The following ST3GAL5 variants were observed in gnomAD, a reference collection of about 807,000 sequenced individuals.
The protein encoded by ST3GAL5 is lactosylceramide alpha-2,3-sialyltransferase.
In ST3GAL5, 25 loss-of-function variants were observed where a neutral mutation model predicts 46.1. The observed-to-expected ratio is 0.54, with a 90% CI of 0.40 to 0.76. ST3GAL5 has a LOEUF of 0.76. ST3GAL5 is among the 30% of genes least tolerant of loss of function. ST3GAL5 has a pLI of 0.00. For missense variants in ST3GAL5, 431 were observed against 521.2 expected, an observed-to-expected ratio of 0.83 and a Z score of 1.69; for synonymous variants, 182 against 192.7, an observed-to-expected ratio of 0.94 and a Z score of 0.46.
intron 6 of ST3GAL5, among the ~76,000 whole-genome samples, chr2:85,841,913 G>T (rs1573572383): frequency 1.3e-5 from 2 of 152,194 alleles, no homozygotes; most frequent in South Asian, 4.1e-4. Flanking sequence ...CTCAAAGGCT[G>T]CCACCAATCT....
rs548174504 is a variant in ST3GAL5, at chr2:85,881,212, C to T, written c.82+7612G>A. Among the ~76,000 whole-genome samples, 9 of 152,318 alleles carry T rather than the reference C, an allele frequency of 5.9e-5. No individual in the cohort carries two copies. The South Asian group carries it at 1.7e-3, about 28-fold the overall frequency. On this transcript the variant is annotated intron_variant, in intron 1 of 6. Coordinates refer to ENST00000638572, the MANE Select transcript of ST3GAL5 (RefSeq NM_003896.4). ...CCATGATTGTGAGACCTTCCCCAGA[C>T]ATGTGGAACTGTAAATCCAATTAAA... is the stretch of plus-strand genomic sequence containing the variant.
intron 1 of ST3GAL5, among the ~76,000 whole-genome samples, chr2:85,882,037 T>C (rs1687212331): frequency 1.3e-5 from 2 of 152,208 alleles, no homozygotes; most frequent in Admixed American, 1.3e-4. Context: ...TCCCAGCCAC[T>C]CCAGCCGTGG....
intron 3 of ST3GAL5, chr2:85,849,625 A>C (rs969068155): frequency 2.0e-5 from 3 of 152,346 alleles, no homozygotes; most frequent in Non-Finnish European, 4.4e-5. Context: ...AAAAAACAAA[A>C]AAACAAACAA....
chr2:85,840,160 A>G lies in ST3GAL5; in HGVS notation c.1241T>C (p.Ile414Thr), dbSNP rs1681840059. Residue 414 changes from isoleucine (I) to threonine (T), a missense_variant, in exon 7 of 7, where the codon ATT becomes ACT. Ile to Thr is a moderately conservative substitution (Grantham distance 89). Coordinates refer to ENST00000638572, the MANE Select transcript of ST3GAL5 (RefSeq NM_003896.4). ...EGVVKDLSGG[I>T]DREF ...TTTCTGTGTTCAAAATTCACGATCAATGCCTCCACTGAGATCTTTCACCAC... is the reference window on the plus strand; with the variant it reads ...TTTCTGTGTTCAAAATTCACGATCAGTGCCTCCACTGAGATCTTTCACCAC... The G allele has an allele frequency of 6.2e-7, 1 of 1,614,072 alleles. No individual in the cohort carries two copies. Among genetic ancestry groups the G allele is most frequent in the South Asian group, 1.1e-5 (1 of 91,078 alleles).
intron 1 of ST3GAL5, 64 bp downstream of exon 1, chr2:85,888,760 G>C (rs961460899): frequency 6.2e-6 from 7 of 1,135,954 alleles, no homozygotes; most frequent in Middle Eastern, 3.6e-4. Context: ...GAAGAGACAA[G>C]TCGCCGCCGC....
chr2:85,846,714 T>C (rs1682834173), intron 4 of ST3GAL5, 151 bp from the exon 5 acceptor site: 2 of 706,368 alleles, frequency 2.8e-6, no homozygotes, highest in Admixed American at 5.2e-5. Flanking sequence ...CCCAGCTCTG[T>C]CTTTCTAGGA....
intron 3 of ST3GAL5, chr2:85,852,973 C>G: frequency 7.7e-7 from 1 of 1,304,248 alleles, no homozygotes; most frequent in Non-Finnish European, 1.0e-6. Flanking sequence ...AGGGAGGGCC[C>G]TGCTTCCTTT....
intron 6 of ST3GAL5, among the ~76,000 whole-genome samples, chr2:85,842,801 G>C (rs1682302856): frequency 6.9e-6 from 1 of 145,564 alleles, no homozygotes; most frequent in Non-Finnish European, 1.5e-5. Flanking sequence ...CACTCTTGTT[G>C]CCCAGGCTGG....
intron 1 of ST3GAL5, chr2:85,888,238 C>T (rs998794768): frequency 6.6e-6 from 1 of 152,204 alleles, no homozygotes; most frequent in East Asian, 1.9e-4. Flanking sequence ...ACACGCAAGG[C>T]GTACAATGAA....
In ST3GAL5 at chr2:85,864,583, CAA is replaced by C. The variant is rs71392946; in HGVS notation, c.83-1100_83-1099del. Among the ~76,000 whole-genome samples, 1,030 of 125,796 alleles carry C rather than the reference CAA, an allele frequency of 8.2e-3. 10 individuals carry two copies. The highest frequency in any genetic ancestry group is 0.017 in the South Asian group (60 of 3,498). The allele number at this position is 125,796 out of a possible 152,430, so 82.5% of individuals were successfully genotyped here. On this transcript the variant is annotated intron_variant, in intron 1 of 6. Coordinates refer to ENST00000638572, the MANE Select transcript of ST3GAL5 (RefSeq NM_003896.4). The stretch of plus-strand genomic sequence containing the variant: ...TACATTAAAAGCAGAAGTGTTACAT[CAA>C]AAAAAAAAAAGAAAAAGAGAGAATA...
At position 85,840,263 on chromosome 2, in the gene ST3GAL5, T is replaced by C. The variant is rs754782135; in HGVS notation, c.1138A>G (p.Met380Val). Residue 380 changes from methionine to valine, a missense_variant, in exon 7 of 7, where the codon ATG (methionine) becomes GTG (valine). By Grantham distance (21) the Met-to-Val change is conservative. Transcript: ENST00000638572. ...TPLHYFDSQC[M>V]AAMNFQTMHN... ...ATGGTCTGAAAGTTCATAGCAGCCA[T>C]GCATTGACTGTCGAAGTAGTGCAAA... The C allele has an allele frequency of 1.2e-6, 2 of 1,614,224 alleles. No individual in the cohort carries two copies. The highest frequency in any genetic ancestry group is 4.5e-5 in the East Asian group (2 of 44,890).
chr2:85,871,367 C>A (rs1401991309), intron 1 of ST3GAL5, among the ~76,000 whole-genome samples: 3 of 152,200 alleles, frequency 2.0e-5, no homozygotes, highest in African/African-American at 4.8e-5. Context: ...AACACTAGAA[C>A]TTATTTCTGT....
intron 1 of ST3GAL5, 195 bp downstream of exon 1, chr2:85,888,629 G>T: frequency 3.1e-6 from 1 of 323,334 alleles, no homozygotes; most frequent in Non-Finnish European, 5.3e-6. Context: ...CCCCCGCCCG[G>T]TCCACACGGC....
At chr2:85,844,816 A>ACATTC in intron 5 of ST3GAL5, 1 of 530,268 alleles carries the variant, frequency 1.9e-6, no homozygotes, top group African/African-American at 1.9e-5. Context: ...TTTGAGGTAG[A>ACATTC]CATTCCTCAA....
At chr2:85,876,293 T>C (rs990256006) in intron 1 of ST3GAL5, among the ~76,000 whole-genome samples, 1 of 152,018 alleles carries the variant, frequency 6.6e-6, no homozygotes, top group African/African-American at 2.4e-5. Flanking sequence ...ACCAGGTAAA[T>C]GTATGGGTCA....
chr2:85,867,687 C>T, intron 1 of ST3GAL5: 1 of 780,194 alleles, frequency 1.3e-6, no homozygotes, highest in African/African-American at 1.7e-5. Context: ...GGTGTATACA[C>T]CCAGGTCTTA....
chr2:85,861,038 T>C (rs757913468), intron 3 of ST3GAL5, 143 bp downstream of exon 3: 11 of 681,976 alleles, frequency 1.6e-5, no homozygotes, highest in Non-Finnish European at 2.9e-5. Context: ...TCTTTGGTTT[T>C]GGAGTGCTGA....
At chr2:85,867,487 AT>A in intron 1 of ST3GAL5, 1 of 738,102 alleles carries the variant, frequency 1.4e-6, no homozygotes, top group South Asian at 1.4e-5. Flanking sequence ...CTCCTGGGAT[AT>A]ATCTATTAAA....
chr2:85,839,459 T>C lies in ST3GAL5; in HGVS notation c.*685A>G, dbSNP rs1433511477. On this transcript the variant is annotated 3_prime_UTR_variant, in exon 7 of 7. Transcript: ENST00000638572. The stretch of plus-strand genomic sequence containing the variant: ...CCAAGGAATTCAAGAATTGTAATAA[T>C]TGCTGGGAAGACTGTGGTTTCTGTA... 6.5e-6 allele frequency: 1 copy of C among 153,512 alleles called. No individual in the cohort carries two copies. The highest frequency in any genetic ancestry group is 1.5e-5 in the Non-Finnish European group (1 of 68,958). The allele number at this position is 153,512 out of a possible 1,614,324, so 9.5% of individuals were successfully genotyped here.
Sources: allele counts gnomAD v4.1 joint callset (sites outside exome capture counted in the v4.1 genomes callset), GRCh38; gene constraint gnomAD v4.1.1; transcripts MANE v1.5; gene names NCBI Gene and HGNC (gene_info 2026-07-23, HGNC 2026-07-21).